TTLL5: variants seen among roughly 807,000 people sequenced by gnomAD.
TTLL5 encodes tubulin polyglutamylase TTLL5.
A neutral mutation model predicts 168.4 loss-of-function variants in TTLL5; 132 were observed. That is an observed-to-expected ratio of 0.78 (90% confidence interval 0.68 to 0.91). TTLL5 has a LOEUF of 0.91. Ranked by LOEUF, TTLL5 falls within the 40% of genes least tolerant of loss-of-function variation. The pLI is 0.00. For synonymous variants in TTLL5, 546 were observed against 558.6 expected (o/e 0.98, Z 0.32); for missense variants, 1,545 against 1,581.5 (o/e 0.98, Z 0.39).
intron 27 of TTLL5, among the ~76,000 whole-genome samples, chr14:75,819,381 A>G (rs921044241): frequency 6.6e-6 from 1 of 152,230 alleles, no homozygotes; most frequent in Non-Finnish European, 1.5e-5. Context: ...TAAATATTGT[A>G]TACCAAAGTG....
At chr14:75,713,487 C>A (rs1887235344) in intron 9 of TTLL5, among the ~76,000 whole-genome samples, 1 of 152,202 alleles carries the variant, frequency 6.6e-6, no homozygotes, top group South Asian at 2.1e-4. Flanking sequence ...CAGAGCATAT[C>A]CCCATTGTTA....
intron 15 of TTLL5, among the ~76,000 whole-genome samples, chr14:75,736,055 C>T (rs185862684): frequency 3.3e-4 from 51 of 152,294 alleles, no homozygotes; most frequent in Admixed American, 7.2e-4. Flanking sequence ...TTAAATCCAT[C>T]GTCACCTTTA....
Position 75,783,300 on chromosome 14 carries a change from C to T in TTLL5, c.2756C>T (p.Ser919Phe). 2 of 1,614,178 alleles carry T rather than the reference C, an allele frequency of 1.2e-6. No homozygotes were observed. Among genetic ancestry groups the T allele is most frequent in the South Asian group, 2.2e-5 (2 of 91,080 alleles). Residue 919 changes from serine to phenylalanine, a missense_variant, in exon 26 of 32, where the codon TCT becomes TTT. Transcript: ENST00000298832. ...GGGCCTTGCCACCATTCTTCTTTATCTCAAATTCCTTCAGCTATCCCCAGC... is the reference window on the plus strand; with the variant it reads ...GGGCCTTGCCACCATTCTTCTTTATTTCAAATTCCTTCAGCTATCCCCAGC... ...SPGPCHHSSL[S>F]QIPSAIPSMP... is the part of the protein sequence containing the mutation.
intron 17 of TTLL5, among the ~76,000 whole-genome samples, chr14:75,747,301 G>A (rs1482021860): frequency 6.6e-6 from 1 of 151,690 alleles, no homozygotes; most frequent in Non-Finnish European, 1.5e-5. Context: ...TTATGTTCAT[G>A]ATTTCCTTTA....
intron 26 of TTLL5, among the ~76,000 whole-genome samples, chr14:75,791,903 A>T (rs957121090): frequency 7.2e-5 from 11 of 151,844 alleles, no homozygotes; most frequent in Non-Finnish European, 1.6e-4. Context: ...GAAAAATGTG[A>T]ATTTTTATTT....
At chr14:75,676,946 A>C (rs1354796915) in intron 3 of TTLL5, among the ~76,000 whole-genome samples, 2 of 151,508 alleles carry the variant, frequency 1.3e-5, no homozygotes, top group Non-Finnish European at 2.9e-5. Context: ...GCTAATTTTT[A>C]AATTTTTGTA....
chr14:75,867,753 GTC>G (rs2030643986), intron 29 of TTLL5, among the ~76,000 whole-genome samples: 1 of 143,672 alleles, frequency 7.0e-6, no homozygotes, highest in Admixed American at 7.2e-5. Context: ...GATTGAGACT[GTC>G]TCCAAAAAAA....
At chr14:75,924,854 G>T in intron 31 of TTLL5, among the ~76,000 whole-genome samples, 1 of 151,968 alleles carries the variant, frequency 6.6e-6, no homozygotes, top group Non-Finnish European at 1.5e-5. Flanking sequence ...ATCCCAGTAG[G>T]GGCGGCCGGG....
intron 27 of TTLL5, among the ~76,000 whole-genome samples, chr14:75,798,229 G>A (rs779472697): frequency 6.6e-6 from 1 of 151,956 alleles, no homozygotes; most frequent in Non-Finnish European, 1.5e-5. Flanking sequence ...GTTTGTGCAC[G>A]TAAAGGTGTT....
chr14:75,784,500 T>C (rs1892255343), intron 26 of TTLL5, among the ~76,000 whole-genome samples: 1 of 152,236 alleles, frequency 6.6e-6, no homozygotes, highest in Non-Finnish European at 1.5e-5. Context: ...TGAGGGGCAT[T>C]TGATTTGTTT....
chr14:75,925,043 G>A (rs1204898100), intron 31 of TTLL5, among the ~76,000 whole-genome samples: 1 of 148,262 alleles, frequency 6.7e-6, no homozygotes, highest in Non-Finnish European at 1.5e-5. Context: ...CGGCCGGGCA[G>A]AGGCGCCCCT....
intron 7 of TTLL5, among the ~76,000 whole-genome samples, chr14:75,700,570 G>T (rs1886196346): frequency 6.6e-6 from 1 of 152,106 alleles, no homozygotes; most frequent in Non-Finnish European, 1.5e-5. Context: ...ATCAAGGGAG[G>T]AGAGATGCAA....
Position 75,745,113 on chromosome 14 carries a change from G to A in TTLL5, c.1300G>A (p.Ala434Thr). Reference sequence around the variant, plus strand: ...TCCTTAGCGTTGCCGTCCACTCTCTGCCAGTGATGCGGAAATGAAAAACCT... The same window carrying A: ...TCCTTAGCGTTGCCGTCCACTCTCTACCAGTGATGCGGAAATGAAAAACCT... ...QKPQRCRPLS[A>T]SDAEMKNLVG... is the part of the protein sequence containing the mutation. Residue 434 changes from alanine (A) to threonine (T), a missense_variant, in exon 16 of 32, where the codon GCC (alanine) becomes ACC (threonine). Ala to Thr is a moderately conservative substitution (Grantham distance 58, BLOSUM62 0). Coordinates refer to ENST00000298832, the MANE Select transcript of TTLL5 (RefSeq NM_015072.5). The A allele has an allele frequency of 6.2e-7, 1 of 1,613,852 alleles. No homozygotes were observed. The highest frequency in any genetic ancestry group is 8.5e-7 in the Non-Finnish European group (1 of 1,179,844).
intron 9 of TTLL5, chr14:75,709,373 T>C (rs2140176999): frequency 3.4e-6 from 2 of 583,696 alleles, no homozygotes; most frequent in Admixed American, 2.9e-5. Flanking sequence ...CAAACCTCGC[T>C]GGTGGAGCTC....
chr14:75,899,289 A>G (rs1189639223), intron 30 of TTLL5, among the ~76,000 whole-genome samples: 1 of 152,212 alleles, frequency 6.6e-6, no homozygotes, highest in Non-Finnish European at 1.5e-5. Context: ...CCTAAAACAC[A>G]TGTATTCCTA....
At chr14:75,749,180 T>G (rs1889795958) in intron 17 of TTLL5, among the ~76,000 whole-genome samples, 1 of 152,132 alleles carries the variant, frequency 6.6e-6, no homozygotes, top group South Asian at 2.1e-4. Context: ...AGAATTTGAA[T>G]TTTTGCATTT....
chr14:75,912,202 T>G (rs1214933938), intron 31 of TTLL5, among the ~76,000 whole-genome samples: 1 of 152,186 alleles, frequency 6.6e-6, no homozygotes, highest in Admixed American at 6.5e-5. Flanking sequence ...ACATTCAGTT[T>G]TCAGAAGACA....
chr14:75,750,910 G>A (rs1889907929), intron 17 of TTLL5, among the ~76,000 whole-genome samples: 1 of 152,146 alleles, frequency 6.6e-6, no homozygotes, highest in Middle Eastern at 3.2e-3. Context: ...CCTTCCTTTT[G>A]TGATGATATG....
At chr14:75,953,415 T>C (rs1296627160) in intron 31 of TTLL5, among the ~76,000 whole-genome samples, 1 of 152,200 alleles carries the variant, frequency 6.6e-6, no homozygotes, top group Non-Finnish European at 1.5e-5. Flanking sequence ...ATTCTACCAG[T>C]AGTATACTGA....
Sources: gnomAD v4.1 joint callset for allele counts (sites outside exome capture counted in the v4.1 genomes callset) on GRCh38, gnomAD v4.1.1 for gene constraint, MANE v1.5 for transcripts, NCBI Gene and HGNC (gene_info 2026-07-23, HGNC 2026-07-21) for gene names.